Variants in MRPS28 observed in about 807,000 individuals in gnomAD.
The protein encoded by MRPS28 is small ribosomal subunit protein bS1m.
MRPS28 carries 7 observed loss-of-function variants against 10.8 expected under a neutral mutation model. That is an observed-to-expected ratio of 0.65 (90% confidence interval 0.37 to 1.22). MRPS28 has a LOEUF of 1.22. Among genes scored for constraint, MRPS28 ranks in the 50% most tolerant of loss-of-function variants. MRPS28 has a pLI of 0.02. For synonymous variants in MRPS28, 121 were observed against 93.3 expected (o/e 1.30, Z -1.71); for missense variants, 265 against 232.9 (o/e 1.14, Z -0.90).
At chr8:79,920,119 C>G (rs1338174046) in intron 2 of MRPS28, among the ~76,000 whole-genome samples, 3 of 152,078 alleles carry the variant, frequency 2.0e-5, no homozygotes, top group African/African-American at 7.2e-5. Flanking sequence ...AGGACATGAA[C>G]TCATCGTTTT....
intron 2 of MRPS28, among the ~76,000 whole-genome samples, chr8:79,967,815 G>T (rs948479187): frequency 6.6e-6 from 1 of 152,068 alleles, no homozygotes; most frequent in Non-Finnish European, 1.5e-5. Context: ...CCAAGAAGCT[G>T]ACGGGTCACA....
At chr8:80,028,645 C>CGGGCGGGTGGGGGGGGG (rs1554575868) in intron 1 of MRPS28, 1 of 3,332 alleles carries the variant, frequency 3.0e-4, no homozygotes, top group Admixed American at 4.8e-3. Context: ...AAGCAGAAGA[C>CGGGCGGGTGGGGGGGGG]GGGCGGGGGG....
intron 1 of MRPS28, among the ~76,000 whole-genome samples, chr8:80,017,489 T>C (rs568461765): frequency 6.6e-6 from 1 of 152,290 alleles, no homozygotes; most frequent in Admixed American, 6.5e-5. Context: ...ACCCACAGAT[T>C]TGATAACCTA....
chr8:79,920,283 T>C (rs1810053815), intron 2 of MRPS28, among the ~76,000 whole-genome samples: 1 of 152,220 alleles, frequency 6.6e-6, no homozygotes, highest in Non-Finnish European at 1.5e-5. Context: ...CAGCATGTTT[T>C]ATAATCCTTT....
chr8:79,999,309 G>A (rs1236137181), intron 2 of MRPS28, among the ~76,000 whole-genome samples: 1 of 152,136 alleles, frequency 6.6e-6, no homozygotes, highest in African/African-American at 2.4e-5. Context: ...CAACTGAGCT[G>A]GATCTCATTA....
intron 2 of MRPS28, among the ~76,000 whole-genome samples, chr8:79,923,474 G>A (rs1810146879): frequency 6.6e-6 from 1 of 151,938 alleles, no homozygotes; most frequent in South Asian, 2.1e-4. Flanking sequence ...TTAGAAAAAT[G>A]GCTACTTTCA....
In MRPS28 at chr8:79,936,184, C is replaced by T. The variant is rs551246540; in HGVS notation, c.396-17036G>A. Among the ~76,000 whole-genome samples, 8 of 151,688 alleles carry T rather than the reference C, an allele frequency of 5.3e-5. No individual in the cohort carries two copies. The South Asian group carries it at 1.7e-3, about 32-fold the overall frequency. ...CAACACAAAAAATTTAAAAATTAGCCAAGCATCATGGCATGCTCTTGCAGT... is the reference window on the plus strand; with the variant it reads ...CAACACAAAAAATTTAAAAATTAGCTAAGCATCATGGCATGCTCTTGCAGT... On this transcript the variant is annotated intron_variant, in intron 2 of 2. Transcript: ENST00000276585.
chr8:80,002,987 G>A lies in MRPS28; in HGVS notation c.395+12C>T. On this transcript the variant is annotated intron_variant, in intron 2 of 2. Coordinates refer to ENST00000276585, the MANE Select transcript of MRPS28 (RefSeq NM_014018.3). ...GAATACTCTTAAGGTACTTGGAAAT[G>A]ATTTTACTTACTCTCCATCCACTTC... The A allele has an allele frequency of 6.5e-7, 1 of 1,546,370 alleles. No homozygotes were observed. Among genetic ancestry groups the A allele is most frequent in the East Asian group, 2.3e-5 (1 of 43,668 alleles).
intron 1 of MRPS28, chr8:80,029,685 CGT>C (rs1481948512): frequency 1.7e-5 from 23 of 1,329,834 alleles, no homozygotes; most frequent in Non-Finnish European, 2.1e-5. Flanking sequence ...CCTGCCTCTC[CGT>C]GTGAGTCCCA....
intron 2 of MRPS28, among the ~76,000 whole-genome samples, chr8:79,925,877 C>T (rs1437177098): frequency 6.6e-6 from 1 of 151,704 alleles, no homozygotes; most frequent in Non-Finnish European, 1.5e-5. Flanking sequence ...GTCCCAGTTA[C>T]TTGGAAGGCT....
chr8:79,999,494 C>T (rs566785876), intron 2 of MRPS28, among the ~76,000 whole-genome samples: 133 of 152,252 alleles, frequency 8.7e-4, no homozygotes, highest in Non-Finnish European at 1.6e-3. Flanking sequence ...CTATAAGAAA[C>T]CTAGAGAAGG....
Position 79,954,235 on chromosome 8 carries a change from T to G in MRPS28, c.396-35087A>C, listed in dbSNP as rs558775492. ...TAAAAAAAAATTAAAAATTAAAACA[T>G]AAAAATTAAACCATAAAAAATATAG... On this transcript the variant is annotated intron_variant, in intron 2 of 2. Transcript: ENST00000276585. Among the ~76,000 whole-genome samples, 4 of 152,014 alleles carry G rather than the reference T, an allele frequency of 2.6e-5. No individual in the cohort carries two copies. In the East Asian group the frequency reaches 5.8e-4, roughly 22 times the overall value.
At position 80,028,645 on chromosome 8, in the gene MRPS28, C is replaced by CGGGCGGGGGGGAGGGGG. The variant is rs1554575870; in HGVS notation, c.213+1390_213+1391insCCCCCTCCCCCCCGCCC. 1.8e-3 allele frequency: 6 copies of CGGGCGGGGGGGAGGGGG among 3,332 alleles called. 1 individual carries two copies. The East Asian group carries it at 0.049, about 27-fold the overall frequency. 0.2% of individuals were successfully genotyped at this position (3,332 alleles called of 1,614,324 possible). ...TCACAGGGATCTCAAAAGCAGAAGA[C>CGGGCGGGGGGGAGGGGG]GGGCGGGGGGGGCGGGGCCGGGCGG... On this transcript the variant is annotated intron_variant, in intron 1 of 2. Coordinates refer to ENST00000276585, the MANE Select transcript of MRPS28 (RefSeq NM_014018.3).
chr8:80,022,458 T>C (rs1366715514), intron 1 of MRPS28, among the ~76,000 whole-genome samples: 1 of 152,232 alleles, frequency 6.6e-6, no homozygotes, highest in Non-Finnish European at 1.5e-5. Context: ...GTTCTCAGTG[T>C]ACATTTATGT....
intron 1 of MRPS28, among the ~76,000 whole-genome samples, chr8:80,019,172 T>G: frequency 6.6e-6 from 1 of 151,774 alleles, no homozygotes; most frequent in East Asian, 1.9e-4. Flanking sequence ...TATTTAACTG[T>G]ATATTTAAAA....
chr8:79,998,836 T>C (rs945872072), intron 2 of MRPS28, among the ~76,000 whole-genome samples: 1 of 152,192 alleles, frequency 6.6e-6, no homozygotes, highest in African/African-American at 2.4e-5. Flanking sequence ...AATTAGAATA[T>C]TCATTAATCA....
At chr8:79,979,441 G>T (rs1423693261) in intron 2 of MRPS28, among the ~76,000 whole-genome samples, 1 of 152,114 alleles carries the variant, frequency 6.6e-6, no homozygotes, top group Non-Finnish European at 1.5e-5. Flanking sequence ...CCAATTAAAT[G>T]AAAACTGAAG....
chr8:79,996,562 C>G (rs116489360), intron 2 of MRPS28, among the ~76,000 whole-genome samples: 1 of 152,176 alleles, frequency 6.6e-6, no homozygotes, highest in Non-Finnish European at 1.5e-5. Context: ...ATCCCACTCA[C>G]GAGGGCAGAA....
intron 1 of MRPS28, among the ~76,000 whole-genome samples, chr8:80,004,453 C>G (rs560902215): frequency 6.6e-6 from 1 of 152,182 alleles, no homozygotes; most frequent in Non-Finnish European, 1.5e-5. Context: ...AACTAACAAA[C>G]AGAAAGGACA....
Sources: gnomAD v4.1 joint callset for allele counts (sites outside exome capture counted in the v4.1 genomes callset) on GRCh38, gnomAD v4.1.1 for gene constraint, MANE v1.5 for transcripts, NCBI Gene and HGNC (gene_info 2026-07-23, HGNC 2026-07-21) for gene names.